ODR4: variants seen among roughly 807,000 people sequenced by gnomAD.
The protein encoded by ODR4 is odr-4 GPCR localization factor homolog, also known as protein odr-4 homolog.
ODR4 carries 47 observed loss-of-function variants against 60.2 expected under a neutral mutation model. That is an observed-to-expected ratio of 0.78 (90% CI 0.62 to 1.00). The LOEUF (loss-of-function observed/expected upper bound fraction) is 1.00. ODR4 is among the 50% of genes least tolerant of loss of function. The probability of loss-of-function intolerance (pLI) is 0.00; values close to 1 mark genes in which losing one functional copy is unlikely to be tolerated. For synonymous variants in ODR4, 178 were observed against 175.5 expected (o/e 1.01, Z -0.11); for missense variants, 488 against 530.8 (o/e 0.92, Z 0.79).
Position 186,383,687 on chromosome 1 carries a change from A to G in ODR4, c.234+531A>G, listed in dbSNP as rs558492794. Among the ~76,000 whole-genome samples, 15 of 150,906 alleles carry G rather than the reference A, an allele frequency of 9.9e-5. 1 individual carries two copies. The highest frequency in any genetic ancestry group is 3.6e-4 in the African/African-American group (15 of 41,174). On this transcript the variant is annotated intron_variant, in intron 3 of 13. Coordinates refer to ENST00000287859, the MANE Select transcript of ODR4 (RefSeq NM_017847.6). The stretch of plus-strand genomic sequence containing the variant: ...TGTTTCTGTGTATGTAGATATATAT[A>G]TATATATATATGGACATATATTTGT...
In ODR4 at chr1:186,384,017, C is replaced by T. The variant is rs532384195; in HGVS notation, c.234+861C>T. On this transcript the variant is annotated intron_variant, in intron 3 of 13. Coordinates refer to ENST00000287859, the MANE Select transcript of ODR4 (RefSeq NM_017847.6). ...TCACACCATTGCACTCCAGACTGGG[C>T]GACAAAGCGAGACTCTGTCTCAACA... is the stretch of plus-strand genomic sequence containing the variant. Among the ~76,000 whole-genome samples, 6 of 152,180 alleles carry T rather than the reference C, an allele frequency of 3.9e-5. No individual in the cohort carries two copies. The East Asian group carries it at 5.8e-4, about 15-fold the overall frequency.
chr1:186,387,399 G>A (rs541001255), intron 4 of ODR4, among the ~76,000 whole-genome samples: 102 of 152,166 alleles, frequency 6.7e-4, no homozygotes, highest in African/African-American at 2.3e-3. Context: ...AACCTTTTTT[G>A]GCTGGTGCTG....
the ODR4 span, among the ~76,000 whole-genome samples, chr1:186,427,660 T>C: frequency 1.3e-5 from 2 of 152,246 alleles, no homozygotes; most frequent in South Asian, 4.1e-4. Flanking sequence ...ACATGTAGAA[T>C]GATTAAGCTT....
intron 11 of ODR4, chr1:186,401,378 C>A: frequency 4.3e-6 from 2 of 466,896 alleles, no homozygotes; most frequent in Middle Eastern, 6.5e-4. Context: ...GTGGAAAGAG[C>A]AAAGACTTTG....
At chr1:186,415,240 T>C (rs1019275725) in intron 12 of ODR4, among the ~76,000 whole-genome samples, 6 of 152,070 alleles carry the variant, frequency 3.9e-5, no homozygotes, top group African/African-American at 1.2e-4. Context: ...AAACTTTTCT[T>C]TGTGAGAAAT....
At chr1:186,377,496 T>C (rs1659830100) in intron 1 of ODR4, among the ~76,000 whole-genome samples, 1 of 152,168 alleles carries the variant, frequency 6.6e-6, no homozygotes, top group African/African-American at 2.4e-5. Flanking sequence ...CTAGAAGAAA[T>C]AAGGTTAAAA....
At chr1:186,400,885 G>C (rs1660916125) in intron 11 of ODR4, 3 of 614,072 alleles carry the variant, frequency 4.9e-6, no homozygotes, top group Non-Finnish European at 8.6e-6. Context: ...TGTGGGACCT[G>C]TTCACATAGT....
chr1:186,398,829 T>G (rs1175900452), intron 10 of ODR4, 125 bp from the exon 11 acceptor site: 10 of 581,156 alleles, frequency 1.7e-5, no homozygotes, highest in Admixed American at 3.7e-5. Flanking sequence ...AAACATTGAA[T>G]GATGTATCAG....
intron 5 of ODR4, 46 bp downstream of exon 5, chr1:186,388,594 T>C: frequency 9.1e-7 from 1 of 1,104,870 alleles, no homozygotes. Flanking sequence ...AGTACCAAAA[T>C]AATATTCTTG....
In ODR4 at chr1:186,393,967, TACTC is replaced by T. The variant is rs1314745256; in HGVS notation, c.734_737del (p.Thr245LysfsTer12). 6 of 1,522,742 alleles carry T rather than the reference TACTC, an allele frequency of 3.9e-6. No individual in the cohort carries two copies. Among genetic ancestry groups the T allele is most frequent in the Non-Finnish European group, 5.3e-6 (6 of 1,123,830 alleles). 94.3% of individuals were successfully genotyped at this position (1,522,742 alleles called of 1,614,324 possible). A position where few individuals can be genotyped will look rare whatever the true frequency, so the allele number is the denominator to read the frequency against. On this transcript the variant is annotated frameshift_variant, in exon 9 of 14. Coordinates refer to ENST00000287859, the MANE Select transcript of ODR4 (RefSeq NM_017847.6). LOFTEE classifies it high-confidence loss of function. ...TTCAGAAAAAATCTTCTAGAGGAAA[TACTC>T]AAGCAACTAGTCATTCTTTTGATGT...
downstream of ODR4, among the ~76,000 whole-genome samples, chr1:186,422,796 A>G (rs1187056592): frequency 6.6e-6 from 1 of 152,228 alleles, no homozygotes; most frequent in Non-Finnish European, 1.5e-5. Flanking sequence ...TAGAAAAACA[A>G]TAGCGAAAGC....
At chr1:186,391,323 C>A (rs1235217457) in intron 7 of ODR4, among the ~76,000 whole-genome samples, 1 of 142,190 alleles carries the variant, frequency 7.0e-6, no homozygotes, top group African/African-American at 2.6e-5. Flanking sequence ...CTTCATTTTT[C>A]CCATTGAAGA....
At chr1:186,392,665 A>G (rs573361068) in intron 8 of ODR4, among the ~76,000 whole-genome samples, 30 of 150,806 alleles carry the variant, frequency 2.0e-4, no homozygotes, top group African/African-American at 6.8e-4. Context: ...AAAAATACAA[A>G]AGTTAGCTGG....
At chr1:186,396,112 G>A (rs1660660458) in intron 9 of ODR4, among the ~76,000 whole-genome samples, 1 of 152,160 alleles carries the variant, frequency 6.6e-6, no homozygotes. Flanking sequence ...CACTACTTGT[G>A]TAAGATTTCA....
chr1:186,413,868 T>C (rs891372651), intron 12 of ODR4, among the ~76,000 whole-genome samples: 4 of 152,180 alleles, frequency 2.6e-5, no homozygotes, highest in African/African-American at 9.7e-5. Flanking sequence ...TGGAATGAAA[T>C]CTGAACACGT....
chr1:186,387,249 C>T (rs1267860477), intron 4 of ODR4, among the ~76,000 whole-genome samples: 2 of 152,164 alleles, frequency 1.3e-5, no homozygotes, highest in African/African-American at 4.8e-5. Flanking sequence ...AGATATTCTC[C>T]TCCCTGCTAA....
Position 186,419,139 on chromosome 1 carries a change from A to C in ODR4, c.*63A>C. On this transcript the variant is annotated 3_prime_UTR_variant, in exon 14 of 14. Transcript: ENST00000287859. ...ATTGACAGACAATTATGAATAATAAAGATGTTAACAATCCATCTGTATTTA... is the reference window on the plus strand; with the variant it reads ...ATTGACAGACAATTATGAATAATAACGATGTTAACAATCCATCTGTATTTA... 7.3e-7 allele frequency: 1 copy of C among 1,361,578 alleles called. No individual in the cohort carries two copies. Among genetic ancestry groups the C allele is most frequent in the Middle Eastern group, 1.8e-4 (1 of 5,662 alleles). The allele number at this position is 1,361,578 out of a possible 1,614,324, so 84.3% of individuals were successfully genotyped here.
intron 10 of ODR4, 23 bp from the exon 11 acceptor site, chr1:186,398,931 T>G (rs1329656507): frequency 1.3e-6 from 2 of 1,522,460 alleles, no homozygotes; most frequent in East Asian, 2.3e-5. Flanking sequence ...CTTACTGTGT[T>G]TTTTGTGTGT....
rs750908372 is a variant in ODR4, at chr1:186,389,629, GA to G, written c.474+8del. 2 of 1,497,676 alleles carry G rather than the reference GA, an allele frequency of 1.3e-6. No homozygotes were observed. Among genetic ancestry groups the G allele is most frequent in the Non-Finnish European group, 1.8e-6 (2 of 1,105,906 alleles). The allele number at this position is 1,497,676 out of a possible 1,614,324, so 92.8% of individuals were successfully genotyped here. A position where few individuals can be genotyped will look rare whatever the true frequency, so the allele number is the denominator to read the frequency against. ...TATGATATCCATGATCCAAAGGTAA[GA>G]AATTTACTCTTTAAAGATTTTTCTG... On this transcript the variant is annotated splice_donor_region_variant and intron_variant, in intron 6 of 13. Coordinates refer to ENST00000287859, the MANE Select transcript of ODR4 (RefSeq NM_017847.6).
Sources: allele counts gnomAD v4.1 joint callset (sites outside exome capture counted in the v4.1 genomes callset), GRCh38; gene constraint gnomAD v4.1.1; transcripts MANE v1.5; gene names NCBI Gene and HGNC (gene_info 2026-07-23, HGNC 2026-07-21).